Variants in CHCHD3 observed in about 807,000 individuals in gnomAD.
CHCHD3 encodes coiled-coil-helix-coiled-coil-helix domain containing 3.
A neutral mutation model predicts 38.2 loss-of-function variants in CHCHD3; 20 were observed. The observed-to-expected ratio is 0.52, with a 90% CI of 0.37 to 0.76. CHCHD3 has a LOEUF of 0.76. Among genes scored for constraint, CHCHD3 ranks in the 30% least tolerant of loss-of-function variants. The pLI, the probability that CHCHD3 is intolerant of heterozygous loss-of-function variation, is 0.00. For missense variants in CHCHD3, 245 were observed against 279.2 expected, an observed-to-expected ratio of 0.88 and a Z score of 0.87; for synonymous variants, 82 against 100.0, an observed-to-expected ratio of 0.82 and a Z score of 1.07.
At chr7:132,805,160 C>G (rs115527158) in intron 6 of CHCHD3, among the ~76,000 whole-genome samples, 2,511 of 152,238 alleles carry the variant, frequency 0.016, 61 homozygotes, top group African/African-American at 0.056. Flanking sequence ...GGAGAGAATA[C>G]TAAATACTCC....
intron 4 of CHCHD3, among the ~76,000 whole-genome samples, chr7:132,968,103 T>G (rs1811522014): frequency 6.6e-6 from 1 of 152,160 alleles, no homozygotes; most frequent in South Asian, 2.1e-4. Context: ...CACAGTCTCT[T>G]CATAAGGTTG....
At chr7:132,938,086 T>A (rs1810673852) in intron 4 of CHCHD3, among the ~76,000 whole-genome samples, 1 of 152,178 alleles carries the variant, frequency 6.6e-6, no homozygotes, top group Non-Finnish European at 1.5e-5. Context: ...TTATGAAAAT[T>A]TATGATATTT....
intron 5 of CHCHD3, among the ~76,000 whole-genome samples, chr7:132,855,984 C>T (rs1808335803): frequency 6.6e-6 from 1 of 152,094 alleles, no homozygotes. Flanking sequence ...AAAATCTGTC[C>T]CTGAAAACTG....
chr7:132,785,232 G>T lies in CHCHD3; in HGVS notation c.*405C>A. On this transcript the variant is annotated 3_prime_UTR_variant, in exon 8 of 8. Coordinates refer to ENST00000262570, the MANE Select transcript of CHCHD3 (RefSeq NM_017812.4). ...ATCTATGTTTTCTGGCTCTCTCCTCGCCCCACTCCAATTAATTTAGCCCCC... is the reference window on the plus strand; with the variant it reads ...ATCTATGTTTTCTGGCTCTCTCCTCTCCCCACTCCAATTAATTTAGCCCCC... The T allele has an allele frequency of 5.6e-6, 1 of 178,024 alleles. No homozygotes were observed. The highest frequency in any genetic ancestry group is 1.2e-5 in the Non-Finnish European group (1 of 85,040). The allele number at this position is 178,024 out of a possible 1,614,324, so 11.0% of individuals were successfully genotyped here.
intron 4 of CHCHD3, among the ~76,000 whole-genome samples, chr7:132,968,599 C>T (rs1811535786): frequency 6.6e-6 from 1 of 152,144 alleles, no homozygotes; most frequent in South Asian, 2.1e-4. Context: ...AGAGTTTTAA[C>T]AGAGGTTATA....
intron 5 of CHCHD3, among the ~76,000 whole-genome samples, chr7:132,846,498 C>A (rs781053884): frequency 6.6e-6 from 1 of 152,348 alleles, no homozygotes; most frequent in South Asian, 2.1e-4. Context: ...ACTGATTATG[C>A]TCCTTCTCTG....
At chr7:132,982,786 G>C (rs970012485) in intron 3 of CHCHD3, among the ~76,000 whole-genome samples, 2 of 152,086 alleles carry the variant, frequency 1.3e-5, no homozygotes, top group African/African-American at 4.8e-5. Context: ...GAACTTTTAA[G>C]TACAGCTGAA....
intron 4 of CHCHD3, among the ~76,000 whole-genome samples, chr7:132,948,814 A>G (rs907397015): frequency 5.3e-5 from 8 of 152,144 alleles, no homozygotes; most frequent in Non-Finnish European, 1.0e-4. Flanking sequence ...ATTCTCAAGG[A>G]TAATGTTGCT....
intron 6 of CHCHD3, among the ~76,000 whole-genome samples, chr7:132,824,523 C>A (rs1470143136): frequency 6.6e-5 from 10 of 151,978 alleles, no homozygotes; most frequent in Non-Finnish European, 1.5e-5. Flanking sequence ...ACCATGTTAG[C>A]CAGGATGGTC....
chr7:132,848,682 G>C (rs1054065956), intron 5 of CHCHD3, among the ~76,000 whole-genome samples: 4 of 152,134 alleles, frequency 2.6e-5, no homozygotes, highest in African/African-American at 9.7e-5. Flanking sequence ...CTAATGACTG[G>C]TTTGAATTCT....
chr7:132,852,399 A>G (rs1354868735), intron 5 of CHCHD3, among the ~76,000 whole-genome samples: 1 of 152,186 alleles, frequency 6.6e-6, no homozygotes, highest in Non-Finnish European at 1.5e-5. Context: ...CAAGAGCTCC[A>G]TATTACAGTG....
chr7:132,990,086 T>G (rs1403599930), intron 3 of CHCHD3, among the ~76,000 whole-genome samples: 2 of 151,928 alleles, frequency 1.3e-5, no homozygotes, highest in South Asian at 2.1e-4. Context: ...GGCAGAAGAA[T>G]CTCTTGAACC....
rs532384542 is a variant in CHCHD3 at position 132,787,686 on chromosome 7, G to C, written c.661-2026C>G. ...AAATTAAGGGGACAGAACAGAAAGA[G>C]TAGAAGTCAAACAAGATGGTGTATT... On this transcript the variant is annotated intron_variant, in intron 7 of 7. Transcript: ENST00000262570. Among the ~76,000 whole-genome samples the C allele has an allele frequency of 2.4e-4, 36 of 152,254 alleles. 1 individual carries two copies. Among genetic ancestry groups the C allele is most frequent in the Admixed American group, 5.9e-4 (9 of 15,300 alleles).
chr7:132,831,961 C>T (rs548596402), intron 6 of CHCHD3, among the ~76,000 whole-genome samples: 6 of 152,026 alleles, frequency 3.9e-5, no homozygotes, highest in Non-Finnish European at 7.4e-5. Flanking sequence ...ATACTATTGG[C>T]GTGTCTTCCT....
intron 6 of CHCHD3, among the ~76,000 whole-genome samples, chr7:132,836,495 T>G (rs1396874212): frequency 1.3e-5 from 2 of 152,110 alleles, no homozygotes; most frequent in Admixed American, 6.5e-5. Context: ...TTTTTCTTTT[T>G]CTTCTTTTAA....
chr7:133,076,588 AG>A (rs973003380), intron 1 of CHCHD3, among the ~76,000 whole-genome samples: 1 of 152,208 alleles, frequency 6.6e-6, no homozygotes, highest in African/African-American at 2.4e-5. Context: ...TGCTCCACAG[AG>A]GGGGAAAGGC....
rs182788859 is a variant in CHCHD3 at position 132,983,233 on chromosome 7, G to T, written c.252-7947C>A. On this transcript the variant is annotated intron_variant, in intron 3 of 7. Coordinates refer to ENST00000262570, the MANE Select transcript of CHCHD3 (RefSeq NM_017812.4). ...GCTACTCGGGAGGCTGAGGCAAGGA[G>T]AATTGCTTAAACCCGGGAGGCAGAG... Among the ~76,000 whole-genome samples, 434 of 152,122 alleles carry T rather than the reference G, an allele frequency of 2.9e-3. 1 individual carries two copies. The South Asian group carries it at 0.033, about 12-fold the overall frequency.
chr7:132,992,147 T>C (rs1386395179), intron 3 of CHCHD3, among the ~76,000 whole-genome samples: 1 of 152,164 alleles, frequency 6.6e-6, no homozygotes, highest in Non-Finnish European at 1.5e-5. Context: ...CTGTTTCCCA[T>C]TTGCTTCCTA....
At chr7:132,791,214 C>T (rs868705764) in intron 7 of CHCHD3, among the ~76,000 whole-genome samples, 3 of 152,128 alleles carry the variant, frequency 2.0e-5, no homozygotes, top group South Asian at 2.1e-4. Context: ...TCAGAATCTC[C>T]AGGGATGGGG....
Sources: allele counts gnomAD v4.1 joint callset (sites outside exome capture counted in the v4.1 genomes callset), GRCh38; gene constraint gnomAD v4.1.1; transcripts MANE v1.5; gene names NCBI Gene and HGNC (gene_info 2026-07-23, HGNC 2026-07-21).